Variants in CYP51A1 observed in about 807,000 individuals in gnomAD.
The protein encoded by CYP51A1 is cytochrome P450 family 51 subfamily A member 1.
Under a neutral mutation model 53.5 loss-of-function variants are expected in CYP51A1, and 45 were observed. That is an observed-to-expected ratio of 0.84 (90% CI 0.66 to 1.08). The LOEUF is 1.08. CYP51A1 is among the 50% of genes least tolerant of loss of function. The probability of loss-of-function intolerance (pLI) is 0.00; values close to 1 mark genes in which losing one functional copy is unlikely to be tolerated. For synonymous variants in CYP51A1, 181 were observed against 217.7 expected, an observed-to-expected ratio of 0.83 and a Z score of 1.48; for missense variants, 462 against 621.7, an observed-to-expected ratio of 0.74 and a Z score of 2.73.
rs551751824 is a variant in CYP51A1 at position 92,125,943 on chromosome 7, C to T, written c.770+310G>A. ...ACAGGAGGCAGAGACTGCAGTGAGC[C>T]GAGATCACACCACTGCACTACAGCT... On this transcript the variant is annotated intron_variant, in intron 5 of 9. Coordinates refer to ENST00000003100, the MANE Select transcript of CYP51A1 (RefSeq NM_000786.4). Among the ~76,000 whole-genome samples the T allele has an allele frequency of 1.5e-4, 23 of 151,836 alleles. No individual in the cohort carries two copies. The East Asian group carries it at 3.1e-3, about 20-fold the overall frequency.
At position 92,112,927 on chromosome 7, in the gene CYP51A1, T is replaced by G. The variant is rs931741327; in HGVS notation, c.*738A>C. 2.6e-5 allele frequency: 4 copies of G among 152,060 alleles called. No individual in the cohort carries two copies. Among genetic ancestry groups the G allele is most frequent in the Non-Finnish European group, 4.4e-5 (3 of 68,022 alleles). 9.4% of individuals were successfully genotyped at this position (152,060 alleles called of 1,614,324 possible). On this transcript the variant is annotated 3_prime_UTR_variant, in exon 10 of 10. Transcript: ENST00000003100. ...GGACTTCCACATAAATGTGACCTTG[T>G]AGAACTAGATACATATTTATCAGGT...
intron 4 of CYP51A1, among the ~76,000 whole-genome samples, chr7:92,126,883 T>G (rs1421497786): frequency 6.6e-6 from 1 of 152,196 alleles, no homozygotes; most frequent in Non-Finnish European, 1.5e-5. Context: ...TAATCACCAA[T>G]TAGTATATCC....
At chr7:92,118,013 C>A (rs570589787) in intron 8 of CYP51A1, among the ~76,000 whole-genome samples, 1 of 150,796 alleles carries the variant, frequency 6.6e-6, no homozygotes, top group Non-Finnish European at 1.5e-5. Context: ...CAGATTAGCA[C>A]GTATACTATC....
chr7:92,123,646 A>G, intron 6 of CYP51A1, 88 bp downstream of exon 6: 4 of 1,289,952 alleles, frequency 3.1e-6, no homozygotes, highest in Non-Finnish European at 4.2e-6. Context: ...TGCCAGCATC[A>G]CTGTTTTTTA....
chr7:92,133,217 T>C lies in CYP51A1; in HGVS notation c.192+956A>G, dbSNP rs74597458. Among the ~76,000 whole-genome samples, 637 of 152,252 alleles carry C rather than the reference T, an allele frequency of 4.2e-3. 4 individuals are homozygous for C. In the Middle Eastern group the frequency reaches 0.044, roughly 11 times the overall value. ...GCACAATCAAATAACATTTGGGAGA[T>C]TGAAAGCTAGGTTAATAAGGCTGTT... On this transcript the variant is annotated intron_variant, in intron 1 of 9. Transcript: ENST00000003100.
At chr7:92,114,195 T>C (rs1819534034) in intron 9 of CYP51A1, among the ~76,000 whole-genome samples, 1 of 152,128 alleles carries the variant, frequency 6.6e-6, no homozygotes, top group African/African-American at 2.4e-5. Context: ...TAAAAGTCAA[T>C]ATGAAAACCT....
chr7:92,126,579 AG>A, intron 4 of CYP51A1, 152 bp from the exon 5 acceptor site: 2 of 656,332 alleles, frequency 3.0e-6, no homozygotes, highest in Middle Eastern at 8.3e-4. Context: ...AACAACAAAG[AG>A]GGGCAATAAA....
upstream of CYP51A1, chr7:92,134,724 G>A (rs1820011416): frequency 4.2e-6 from 1 of 236,132 alleles, no homozygotes; most frequent in Non-Finnish European, 8.2e-6. Flanking sequence ...GTGCCCGGGT[G>A]CGGGGTGCCG....
At chr7:92,123,644 T>C in intron 6 of CYP51A1, 90 bp downstream of exon 6, 1 of 1,266,270 alleles carries the variant, frequency 7.9e-7, no homozygotes, top group Non-Finnish European at 1.1e-6. Flanking sequence ...TTTGCCAGCA[T>C]CACTGTTTTT....
chr7:92,126,233 A>G lies in CYP51A1; in HGVS notation c.770+20T>C. On this transcript the variant is annotated intron_variant, in intron 5 of 9. Transcript: ENST00000003100. ...TATACAAAGTTAAATAACCTAGTGT[A>G]ATATATTCTTTATCCATACCTGAAA... 2 of 1,555,778 alleles carry G rather than the reference A, an allele frequency of 1.3e-6. No homozygotes were observed. Among genetic ancestry groups the G allele is most frequent in the Non-Finnish European group, 8.7e-7 (1 of 1,150,762 alleles).
intron 9 of CYP51A1, 137 bp from the exon 10 acceptor site, chr7:92,113,980 A>G: frequency 1.7e-6 from 1 of 579,152 alleles, no homozygotes; most frequent in Non-Finnish European, 2.9e-6. Context: ...CTTTTCACAT[A>G]AAACAACATG....
At chr7:92,114,008 G>A (rs1402621119) in intron 9 of CYP51A1, among the ~76,000 whole-genome samples, 165 bp from the exon 10 acceptor site, 1 of 152,072 alleles carries the variant, frequency 6.6e-6, no homozygotes. Flanking sequence ...AAAAATTCCA[G>A]GAGATTTTCA....
chr7:92,123,923 G>A, intron 5 of CYP51A1, 70 bp from the exon 6 acceptor site: 2 of 1,322,968 alleles, frequency 1.5e-6, no homozygotes. Flanking sequence ...TTCATTTTGA[G>A]AACCAGGACC....
At chr7:92,131,599 A>G (rs1819920744) in intron 2 of CYP51A1, among the ~76,000 whole-genome samples, 175 bp downstream of exon 2, 1 of 152,252 alleles carries the variant, frequency 6.6e-6, no homozygotes, top group Non-Finnish European at 1.5e-5. Flanking sequence ...CTAAAAGGAT[A>G]GGTATCTATA....
chr7:92,119,785 A>G (rs1337863637), intron 7 of CYP51A1, among the ~76,000 whole-genome samples: 1 of 152,228 alleles, frequency 6.6e-6, no homozygotes, highest in East Asian at 1.9e-4. Flanking sequence ...GAAACTATCC[A>G]TGAAGAAGCC....
chr7:92,129,593 A>C (rs1819877613), intron 2 of CYP51A1, among the ~76,000 whole-genome samples: 2 of 152,140 alleles, frequency 1.3e-5, no homozygotes, highest in South Asian at 4.1e-4. Context: ...TTTTATATTA[A>C]TTTGGTTAGA....
At chr7:92,132,851 CA>C (rs1405982991) in intron 1 of CYP51A1, among the ~76,000 whole-genome samples, 3 of 152,072 alleles carry the variant, frequency 2.0e-5, no homozygotes, top group African/African-American at 7.2e-5. Context: ...CTGCAGATTA[CA>C]ACATTAAGTA....
intron 2 of CYP51A1, 131 bp downstream of exon 2, chr7:92,131,641 ATT>A (rs1819921668): frequency 3.6e-6 from 2 of 548,420 alleles, no homozygotes; most frequent in Middle Eastern, 5.0e-4. Flanking sequence ...AGCAGTTTCC[ATT>A]TTGTTTCCTA....
chr7:92,126,264 C>A lies in CYP51A1; in HGVS notation c.759G>T (p.Leu253Phe). 1 of 1,600,714 alleles carries A rather than the reference C, an allele frequency of 6.2e-7. No homozygotes were observed. The highest frequency in any genetic ancestry group is 8.5e-7 in the Non-Finnish European group (1 of 1,176,372). ...AAWLLPGWLPLPSFRRRDRAH... is the reference protein window; with the variant it reads ...AAWLLPGWLPFPSFRRRDRAH... Reference sequence around the variant, plus strand: ...TTCTTTATCCATACCTGAAACTAGGCAAAGGCAGCCAACCTGGTAAGAGCC... The same window carrying A: ...TTCTTTATCCATACCTGAAACTAGGAAAAGGCAGCCAACCTGGTAAGAGCC... The change falls in exon 5 of 10, where the codon TTG becomes TTT. Residue 253 changes from leucine (L) to phenylalanine (F), a missense_variant. Transcript: ENST00000003100.
Sources: gnomAD v4.1 joint callset for allele counts (sites outside exome capture counted in the v4.1 genomes callset) on GRCh38, gnomAD v4.1.1 for gene constraint, MANE v1.5 for transcripts, NCBI Gene and HGNC (gene_info 2026-07-23, HGNC 2026-07-21) for gene names.